The following DLGAP2 variants were observed in gnomAD, a reference collection of about 807,000 sequenced individuals.
DLGAP2 encodes disks large-associated protein 2.
Under a neutral mutation model 100.3 loss-of-function variants are expected in DLGAP2, and 26 were observed. The ratio of observed to expected loss-of-function variants is 0.26; its 90% confidence interval spans 0.19 to 0.36. The LOEUF is 0.36. Among genes scored for constraint, DLGAP2 ranks in the 10% least tolerant of loss-of-function variants. The probability of loss-of-function intolerance (pLI) is 1.00; values close to 1 mark genes in which losing one functional copy is unlikely to be tolerated. For synonymous variants in DLGAP2, 886 were observed against 630.1 expected (o/e 1.41, Z -6.08); for missense variants, 1,858 against 1,453.2 (o/e 1.28, Z -4.53).
At chr8:1,505,315 G>A (rs531218977) in intron 4 of DLGAP2, among the ~76,000 whole-genome samples, 1 of 152,222 alleles carries the variant, frequency 6.6e-6, no homozygotes, top group African/African-American at 2.4e-5. Flanking sequence ...ACATTTTACA[G>A]CACAGTATAG....
intron 6 of DLGAP2, among the ~76,000 whole-genome samples, chr8:1,615,991 T>A (rs186009751): frequency 6.6e-6 from 1 of 152,102 alleles, no homozygotes; most frequent in African/African-American, 2.4e-5. Flanking sequence ...AAAATGTCTG[T>A]TACAAGGTTA....
intron 2 of DLGAP2, among the ~76,000 whole-genome samples, chr8:951,204 C>T (rs1014505299): frequency 2.6e-5 from 4 of 151,966 alleles, no homozygotes; most frequent in African/African-American, 9.7e-5. Context: ...GGATATCTAT[C>T]TTGTTTCTGA....
At chr8:1,413,667 G>A (rs1016030005) in intron 3 of DLGAP2, among the ~76,000 whole-genome samples, 4 of 152,222 alleles carry the variant, frequency 2.6e-5, no homozygotes, top group African/African-American at 9.6e-5. Flanking sequence ...ATCAATGATT[G>A]GAGTCACTCT....
At position 1,662,983 on chromosome 8, in the gene DLGAP2, G is replaced by A. The variant is rs555603710; in HGVS notation, c.1811-5346G>A. ...GTGAGTGTGGGGTATGACTGTGTGTGTACATGTGTGAGTGTGGGGTGTGTG... is the reference window on the plus strand; with the variant it reads ...GTGAGTGTGGGGTATGACTGTGTGTATACATGTGTGAGTGTGGGGTGTGTG... On this transcript the variant is annotated intron_variant, in intron 8 of 14. Transcript: ENST00000637795. 2.0e-5 allele frequency among the ~76,000 whole-genome samples: 3 copies of A among 150,132 alleles called. No homozygotes were observed. The East Asian group carries it at 5.9e-4, about 30-fold the overall frequency.
chr8:1,161,150 A>G (rs1796881190), intron 2 of DLGAP2, among the ~76,000 whole-genome samples: 4 of 152,230 alleles, frequency 2.6e-5, no homozygotes, highest in African/African-American at 9.6e-5. Context: ...TCTTACATTT[A>G]TTAACAGTTT....
chr8:1,563,610 A>G (rs1001435676), intron 5 of DLGAP2, among the ~76,000 whole-genome samples: 2 of 152,016 alleles, frequency 1.3e-5, no homozygotes, highest in African/African-American at 4.8e-5. Flanking sequence ...CACGGGGTCC[A>G]TGGTAAGGGG....
chr8:1,238,284 C>A (rs1798708659), intron 2 of DLGAP2, among the ~76,000 whole-genome samples: 1 of 38,510 alleles, frequency 2.6e-5, no homozygotes, highest in Non-Finnish European at 5.1e-5. Flanking sequence ...CTAGTTCTCT[C>A]ACATGTTGCC....
In DLGAP2 at chr8:965,281, G is replaced by A. The variant is rs1274343615; in HGVS notation, c.73+57315G>A. ...CTGAGCCCAACCCCCGCGTGCACAC[G>A]GCACTGTTCACCACACAGGGCTCCT... is the stretch of plus-strand genomic sequence containing the variant. On this transcript the variant is annotated intron_variant, in intron 2 of 14. Coordinates refer to ENST00000637795, the MANE Select transcript of DLGAP2 (RefSeq NM_001346810.2). Among the ~76,000 whole-genome samples the A allele has an allele frequency of 3.0e-4, 39 of 131,370 alleles. No homozygotes were observed. In the East Asian group the frequency reaches 8.8e-3, roughly 30 times the overall value. The allele number at this position is 131,370 out of a possible 152,430, so 86.2% of individuals were successfully genotyped here.
At chr8:1,407,058 TC>T (rs1246498280) in intron 3 of DLGAP2, among the ~76,000 whole-genome samples, 1 of 23,726 alleles carries the variant, frequency 4.2e-5, no homozygotes, top group Admixed American at 4.1e-4. Context: ...CTCCTTGTCC[TC>T]CGGAGTCGTG....
intron 2 of DLGAP2, among the ~76,000 whole-genome samples, chr8:1,145,025 A>T (rs1464329959): frequency 1.3e-5 from 2 of 152,260 alleles, no homozygotes; most frequent in Non-Finnish European, 2.9e-5. Context: ...AGGAAGGAAA[A>T]GCAAAAGCAA....
chr8:1,452,737 G>T (rs1798197037), intron 3 of DLGAP2, among the ~76,000 whole-genome samples: 1 of 152,150 alleles, frequency 6.6e-6, no homozygotes. Context: ...GCCGGGGTCA[G>T]GCTGGGTCAG....
At chr8:1,241,225 C>A (rs183941165) in intron 2 of DLGAP2, among the ~76,000 whole-genome samples, 47 of 145,930 alleles carry the variant, frequency 3.2e-4, no homozygotes, top group African/African-American at 6.9e-4. Flanking sequence ...TCTCACATGG[C>A]GCCGTGTCTA....
chr8:1,241,229 G>T (rs1208819249), intron 2 of DLGAP2, among the ~76,000 whole-genome samples: 2 of 146,106 alleles, frequency 1.4e-5, no homozygotes, highest in African/African-American at 5.1e-5. Context: ...ACATGGCGCC[G>T]TGTCTAGTTC....
At chr8:1,333,694 C>T (rs941444041) in intron 3 of DLGAP2, among the ~76,000 whole-genome samples, 5 of 152,214 alleles carry the variant, frequency 3.3e-5, no homozygotes, top group African/African-American at 9.6e-5. Context: ...CAGGTCTGGA[C>T]TTGCATATGT....
intron 6 of DLGAP2, among the ~76,000 whole-genome samples, chr8:1,625,485 G>A (rs533194147): frequency 1.3e-5 from 2 of 152,192 alleles, no homozygotes; most frequent in Admixed American, 1.3e-4. Flanking sequence ...GGAAGAAAAC[G>A]ACCGTTGTGC....
chr8:1,194,001 G>A (rs1797697086), intron 2 of DLGAP2, among the ~76,000 whole-genome samples: 1 of 152,162 alleles, frequency 6.6e-6, no homozygotes, highest in Non-Finnish European at 1.5e-5. Context: ...AGCCTCAGGT[G>A]AAATTTCTCC....
At chr8:999,888 C>A (rs532785031) in intron 2 of DLGAP2, among the ~76,000 whole-genome samples, 19 of 152,356 alleles carry the variant, frequency 1.2e-4, no homozygotes, top group South Asian at 1.0e-3. Flanking sequence ...AATGTGCTTG[C>A]TAAGGATTTT....
At chr8:968,624 G>C (rs1799939499) in intron 2 of DLGAP2, among the ~76,000 whole-genome samples, 1 of 152,160 alleles carries the variant, frequency 6.6e-6, no homozygotes, top group Non-Finnish European at 1.5e-5. Context: ...GGGAGGGCTG[G>C]GCAGACTTGA....
At chr8:1,245,684 T>C (rs1021047009) in intron 2 of DLGAP2, among the ~76,000 whole-genome samples, 1 of 152,256 alleles carries the variant, frequency 6.6e-6, no homozygotes. Flanking sequence ...TCTGTGAGTA[T>C]GCTATTGAGC....
Sources: gnomAD v4.1 joint callset for allele counts (sites outside exome capture counted in the v4.1 genomes callset) on GRCh38, gnomAD v4.1.1 for gene constraint, MANE v1.5 for transcripts, NCBI Gene and HGNC (gene_info 2026-07-23, HGNC 2026-07-21) for gene names.